Variants in GEMIN2 observed in about 807,000 individuals in gnomAD.
The protein encoded by GEMIN2 is gem-associated protein 2.
A neutral mutation model predicts 45.8 loss-of-function variants in GEMIN2; 37 were observed. The ratio of observed to expected loss-of-function variants is 0.81; its 90% CI spans 0.62 to 1.06. The LOEUF (loss-of-function observed/expected upper bound fraction) is 1.06. Among genes scored for constraint, GEMIN2 ranks in the 50% least tolerant of loss-of-function variants. The pLI is 0.00. For missense variants in GEMIN2, 335 were observed against 321.8 expected, an observed-to-expected ratio of 1.04 and a Z score of -0.31; for synonymous variants, 101 against 111.5, an observed-to-expected ratio of 0.91 and a Z score of 0.60.
chr14:39,126,268 C>T (rs2052640271), intron 6 of GEMIN2, among the ~76,000 whole-genome samples: 1 of 149,314 alleles, frequency 6.7e-6, no homozygotes, highest in Admixed American at 6.8e-5. Context: ...CAGTCTTGTA[C>T]TTTGGGGCTC....
At chr14:39,123,507 T>C (rs937147201) in intron 5 of GEMIN2, among the ~76,000 whole-genome samples, 1 of 151,502 alleles carries the variant, frequency 6.6e-6, no homozygotes, top group Admixed American at 6.6e-5. Context: ...TCAGGTAACA[T>C]ATTGGCCAAG....
chr14:39,124,105 T>C (rs561709020), intron 5 of GEMIN2, among the ~76,000 whole-genome samples: 170 of 152,166 alleles, frequency 1.1e-3, no homozygotes, highest in Non-Finnish European at 2.1e-3. Context: ...AGAGAATACA[T>C]ACAAGTAAAA....
rs1020455872 is a variant in GEMIN2 at position 39,136,586 on chromosome 14, G to T, written c.*107G>T. Reference sequence around the variant, plus strand: ...GATTTCAACACATCTTCAACACTATGTGAAGGGTTCACATCTTAACCTGTG... The same window carrying T: ...GATTTCAACACATCTTCAACACTATTTGAAGGGTTCACATCTTAACCTGTG... On this transcript the variant is annotated 3_prime_UTR_variant, in exon 10 of 10. Coordinates refer to ENST00000308317, the MANE Select transcript of GEMIN2 (RefSeq NM_003616.3). 3 of 849,240 alleles carry T rather than the reference G, an allele frequency of 3.5e-6. No individual in the cohort carries two copies. Among genetic ancestry groups the T allele is most frequent in the Non-Finnish European group, 6.0e-6 (3 of 501,324 alleles). 52.6% of individuals were successfully genotyped at this position (849,240 alleles called of 1,614,324 possible).
At chr14:39,126,403 C>G (rs1045045388) in intron 6 of GEMIN2, among the ~76,000 whole-genome samples, 3 of 152,104 alleles carry the variant, frequency 2.0e-5, no homozygotes, top group African/African-American at 7.2e-5. Flanking sequence ...TGGTCTGGAA[C>G]TCCTGAGCTC....
At chr14:39,125,111 A>T in intron 6 of GEMIN2, 75 bp downstream of exon 6, 2 of 767,420 alleles carry the variant, frequency 2.6e-6, no homozygotes, top group Non-Finnish European at 4.6e-6. Context: ...GTTAATACAT[A>T]TACTGAATTC....
Position 39,114,444 on chromosome 14 carries a change from A to G in GEMIN2, c.106A>G (p.Arg36Gly). 1 of 1,613,860 alleles carries G rather than the reference A, an allele frequency of 6.2e-7. No homozygotes were observed. Among genetic ancestry groups the G allele is most frequent in the Non-Finnish European group, 8.5e-7 (1 of 1,179,772 alleles). ...AGGTTTCGATCCCTCGGTACCCCCG[A>G]GGACGCCTCAGGAATACCTGAGGCG... ...TEGFDPSVPP[R>G]TPQEYLRRVQ... is the part of the protein sequence containing the mutation. Residue 36 changes from arginine (R) to glycine (G), a missense_variant, in exon 1 of 10, where the codon AGG (arginine) becomes GGG (glycine). By Grantham distance (125) the Arg-to-Gly change is moderately radical. Transcript: ENST00000308317.
intron 6 of GEMIN2, 68 bp from the exon 7 acceptor site, chr14:39,128,208 TAATG>T (rs1380294759): frequency 1.2e-6 from 1 of 851,754 alleles, no homozygotes. Context: ...TAAATAAACT[TAATG>T]AAACTCATGT....
At position 39,131,326 on chromosome 14, in the gene GEMIN2, A is replaced by G. The variant is rs559539381; in HGVS notation, c.601-632A>G. ...AAAAAAGAAAGTTGTACATACGAATAGGAAAAACAAGAACATTTTTAAAGT... is the reference window on the plus strand; with the variant it reads ...AAAAAAGAAAGTTGTACATACGAATGGGAAAAACAAGAACATTTTTAAAGT... On this transcript the variant is annotated intron_variant, in intron 7 of 9. Transcript: ENST00000308317. Among the ~76,000 whole-genome samples, 106 of 152,356 alleles carry G rather than the reference A, an allele frequency of 7.0e-4. 1 individual carries two copies. In the South Asian group the frequency reaches 0.021, roughly 31 times the overall value.
Position 39,118,078 on chromosome 14 carries a change from C to T in GEMIN2, c.302C>T (p.Thr101Ile). 1.3e-6 allele frequency: 2 copies of T among 1,572,272 alleles called. No homozygotes were observed. The highest frequency in any genetic ancestry group is 1.7e-6 in the Non-Finnish European group (2 of 1,144,576). The change falls in exon 3 of 10, where the codon ACT (threonine) becomes ATT (isoleucine). Residue 101 changes from threonine (T) to isoleucine (I), a missense_variant. Thr to Ile is a moderately conservative substitution (Grantham distance 89). Coordinates refer to ENST00000308317, the MANE Select transcript of GEMIN2 (RefSeq NM_003616.3). ...CAGCAACAAGTGGCACAGTTTTCAA[C>T]TGTTCGACAGGTAAGTGTCATATTT... ...WQQQQVAQFS[T>I]VRQNVNKHRS... is the part of the protein sequence containing the mutation.
At chr14:39,116,410 C>CTT (rs71130815) in intron 2 of GEMIN2, among the ~76,000 whole-genome samples, 10 of 133,072 alleles carry the variant, frequency 7.5e-5, no homozygotes, top group Non-Finnish European at 1.3e-4. Context: ...ATTTCTTTTT[C>CTT]TTTTTTTTTT....
chr14:39,123,261 T>C (rs1338408432), intron 5 of GEMIN2, among the ~76,000 whole-genome samples: 1 of 152,162 alleles, frequency 6.6e-6, no homozygotes, highest in Non-Finnish European at 1.5e-5. Flanking sequence ...AGGTATTTAT[T>C]ATTTGCTATA....
At chr14:39,123,685 GC>G (rs2052602633) in intron 5 of GEMIN2, among the ~76,000 whole-genome samples, 2 of 59,596 alleles carry the variant, frequency 3.4e-5, no homozygotes, top group African/African-American at 1.2e-4. Flanking sequence ...TTCAAAAATA[GC>G]TATATATATA....
chr14:39,134,976 T>G lies in GEMIN2; in HGVS notation c.770+1257T>G, dbSNP rs2139362513. Among the ~76,000 whole-genome samples, 2 of 152,142 alleles carry G rather than the reference T, an allele frequency of 1.3e-5. 1 individual carries two copies. Among genetic ancestry groups the G allele is most frequent in the South Asian group, 4.1e-4 (2 of 4,834 alleles). ...CAATAGATCAGAGTTGTGTTTTTGT[T>G]TTTGTTTTTGTTTTAATAAATTTTT... On this transcript the variant is annotated intron_variant, in intron 9 of 9. Transcript: ENST00000308317.
chr14:39,124,282 C>T (rs2052613082), intron 5 of GEMIN2, among the ~76,000 whole-genome samples: 1 of 152,086 alleles, frequency 6.6e-6, no homozygotes, highest in African/African-American at 2.4e-5. Flanking sequence ...CATTCTAATT[C>T]AAGTGTCCTT....
At position 39,127,800 on chromosome 14, in the gene GEMIN2, T is replaced by G. The variant is rs866311340; in HGVS notation, c.532-480T>G. On this transcript the variant is annotated intron_variant, in intron 6 of 9. Transcript: ENST00000308317. ...AAAGCCTCACTGGGGCTAGGCGCGGTGCCTCACACCTGTGATCGCAGCACT... is the reference window on the plus strand; with the variant it reads ...AAAGCCTCACTGGGGCTAGGCGCGGGGCCTCACACCTGTGATCGCAGCACT... Among the ~76,000 whole-genome samples, 20 of 152,204 alleles carry G rather than the reference T, an allele frequency of 1.3e-4. 1 individual carries two copies. In the Middle Eastern group the frequency reaches 0.02, roughly 155 times the overall value.
chr14:39,132,612 C>G (rs2052731645), intron 8 of GEMIN2, among the ~76,000 whole-genome samples: 1 of 146,926 alleles, frequency 6.8e-6, no homozygotes, highest in East Asian at 2.0e-4. Context: ...TCATATGTGG[C>G]TTTCATCCTC....
intron 6 of GEMIN2, among the ~76,000 whole-genome samples, chr14:39,127,040 G>A (rs1476814120): frequency 6.6e-6 from 1 of 151,612 alleles, no homozygotes; most frequent in Non-Finnish European, 1.5e-5. Flanking sequence ...TGGGATTATA[G>A]GCATGAGCCC....
At chr14:39,128,875 G>A (rs2052680508) in intron 7 of GEMIN2, among the ~76,000 whole-genome samples, 1 of 152,066 alleles carries the variant, frequency 6.6e-6, no homozygotes, top group African/African-American at 2.4e-5. Flanking sequence ...CTAGGCTCAA[G>A]TGTTCTTCCC....
intron 9 of GEMIN2, among the ~76,000 whole-genome samples, chr14:39,135,448 C>T (rs1486226982): frequency 6.6e-6 from 1 of 151,810 alleles, no homozygotes; most frequent in Non-Finnish European, 1.5e-5. Flanking sequence ...TAGCCGGGCA[C>T]GGTGGTTCAC....
Sources: gnomAD v4.1 joint callset for allele counts (sites outside exome capture counted in the v4.1 genomes callset) on GRCh38, gnomAD v4.1.1 for gene constraint, MANE v1.5 for transcripts, NCBI Gene and HGNC (gene_info 2026-07-23, HGNC 2026-07-21) for gene names.